GTSE1: variants seen among roughly 807,000 people sequenced by gnomAD.
GTSE1 encodes G2 and S-phase expressed 1, also known as G2 and S phase-expressed protein 1.
Under a neutral mutation model 60.5 loss-of-function variants are expected in GTSE1, and 52 were observed. The observed-to-expected ratio is 0.86, with a 90% CI of 0.69 to 1.08. The LOEUF (loss-of-function observed/expected upper bound fraction) is 1.08, where lower values mean the gene tolerates loss of function less well. GTSE1 is among the 50% of genes least tolerant of loss of function. The pLI, the probability that GTSE1 is intolerant of heterozygous loss-of-function variation, is 0.00. For synonymous variants in GTSE1, 368 were observed against 386.5 expected, an observed-to-expected ratio of 0.95 and a Z score of 0.56; for missense variants, 937 against 961.8, an observed-to-expected ratio of 0.97 and a Z score of 0.34.
In GTSE1 at chr22:46,308,844, T is replaced by G. The variant is rs774348655; in HGVS notation, c.663T>G (p.Ala221=). The change falls in exon 4 of 12, where the codon GCT becomes GCG. Residue 221 remains alanine (A), a synonymous_variant. Coordinates refer to ENST00000454366, the MANE Select transcript of GTSE1 (RefSeq NM_016426.7). ...CCAGGGAATCATGCACTGCTCATGC[T>G]GCAAGTCAGGCAGCGACTCAGAGGA... is the stretch of plus-strand genomic sequence containing the variant. ...ALPRESCTAH[A]ASQAATQRKP... The G allele has an allele frequency of 1.2e-6, 2 of 1,613,278 alleles. No individual in the cohort carries two copies. The highest frequency in any genetic ancestry group is 2.2e-5 in the South Asian group (2 of 91,090).
chr22:46,314,798 C>T lies in GTSE1; in HGVS notation c.1051+785C>T, dbSNP rs2077769138. On this transcript the variant is annotated intron_variant, in intron 6 of 11. Coordinates refer to ENST00000454366, the MANE Select transcript of GTSE1 (RefSeq NM_016426.7). This position sits in a 1 kb window ranked among gnomAD's most constrained non-coding sequence, Gnocchi z 7.1. ...GACTGGGCCACGAGAATGGCTTGAACGCGGGAGGCAGAGGTTACCATGAGC... is the reference window on the plus strand; with the variant it reads ...GACTGGGCCACGAGAATGGCTTGAATGCGGGAGGCAGAGGTTACCATGAGC... Among the ~76,000 whole-genome samples the T allele has an allele frequency of 6.7e-6, 1 of 149,242 alleles. No individual in the cohort carries two copies. The highest frequency in any genetic ancestry group is 6.7e-5 in the Admixed American group (1 of 14,980).
Position 46,313,986 on chromosome 22 carries a change from G to C in GTSE1, c.1024G>C (p.Ala342Pro), listed in dbSNP as rs778285118. 2 of 1,614,212 alleles carry C rather than the reference G, an allele frequency of 1.2e-6. No homozygotes were observed. Among genetic ancestry groups the C allele is most frequent in the African/African-American group, 2.7e-5 (2 of 75,066 alleles). The change falls in exon 6 of 12, where the codon GCG becomes CCG. Residue 342 changes from alanine to proline, a missense_variant. Transcript: ENST00000454366. This position sits in a 1 kb window ranked among gnomAD's most constrained non-coding sequence, Gnocchi z 4.4. Reference sequence around the variant, plus strand: ...GCCTGTTTGGAGCGGGGCATCCAGTGCGTGCACATCCCCAGCAGTGGGCAA... The same window carrying C: ...GCCTGTTTGGAGCGGGGCATCCAGTCCGTGCACATCCCCAGCAGTGGGCAA... ...SGPVWSGASS[A>P]CTSPAVGKAK...
rs2077703928 is a variant in GTSE1 at position 46,304,114 on chromosome 22, T to G, written c.80-4036T>G. On this transcript the variant is annotated intron_variant, in intron 2 of 11. Coordinates refer to ENST00000454366, the MANE Select transcript of GTSE1 (RefSeq NM_016426.7). The surrounding 1 kb of genome is among the most constrained non-coding windows in gnomAD (Gnocchi z 4.4). The stretch of plus-strand genomic sequence containing the variant: ...CCGCAAGCTCCTGGGCTCAGCATCC[T>G]GAGTAGCTGGGACTACAGGTATATG... Among the ~76,000 whole-genome samples the G allele has an allele frequency of 6.6e-6, 1 of 152,126 alleles. No individual in the cohort carries two copies. Among genetic ancestry groups the G allele is most frequent in the Non-Finnish European group, 1.5e-5 (1 of 68,012 alleles).
In GTSE1 at chr22:46,308,597, A is replaced by G; in HGVS notation, c.416A>G (p.Gln139Arg). 6.2e-7 allele frequency: 1 copy of G among 1,614,168 alleles called. No individual in the cohort carries two copies. The highest frequency in any genetic ancestry group is 8.5e-7 in the Non-Finnish European group (1 of 1,180,022). Residue 139 changes from glutamine to arginine, a missense_variant, in exon 4 of 12, where the codon CAG becomes CGG. By Grantham distance (43) the Gln-to-Arg change is conservative. Transcript: ENST00000454366. Reference sequence around the variant, plus strand: ...AGCCAGGGCGTGGAAAGATTCATACAGGAGTCAAAATTAAAAATAAACCTC... The same window carrying G: ...AGCCAGGGCGTGGAAAGATTCATACGGGAGTCAAAATTAAAAATAAACCTC... ...PRSQGVERFI[Q>R]ESKLKINLFE...
At position 46,308,760 on chromosome 22, in the gene GTSE1, T is replaced by C; in HGVS notation, c.579T>C (p.Ser193=). Residue 193 remains serine (S), a synonymous_variant, in exon 4 of 12, where the codon TCT becomes TCC. Coordinates refer to ENST00000454366, the MANE Select transcript of GTSE1 (RefSeq NM_016426.7). ...LLASSPALPS[S]GAQARLTRAP... is the part of the protein sequence containing the mutation. Reference sequence around the variant, plus strand: ...CCTCCTCCCCGGCCCTGCCCAGCTCTGGTGCCCAGGCCCGCCTCACCCGGG... The same window carrying C: ...CCTCCTCCCCGGCCCTGCCCAGCTCCGGTGCCCAGGCCCGCCTCACCCGGG... 1 of 1,613,156 alleles carries C rather than the reference T, an allele frequency of 6.2e-7. No individual in the cohort carries two copies. The highest frequency in any genetic ancestry group is 8.5e-7 in the Non-Finnish European group (1 of 1,180,016).
intron 2 of GTSE1, among the ~76,000 whole-genome samples, chr22:46,303,060 C>T (rs960314185): frequency 2.0e-5 from 3 of 151,912 alleles, no homozygotes; most frequent in Non-Finnish European, 2.9e-5. Context: ...CCACCACACC[C>T]GGCTAATTTT....
chr22:46,325,344 A>G (rs1391540119), intron 8 of GTSE1, among the ~76,000 whole-genome samples: 2 of 151,614 alleles, frequency 1.3e-5, no homozygotes, highest in South Asian at 2.1e-4. Context: ...CCACAGGCAC[A>G]TGCCACCACA....
At position 46,316,675 on chromosome 22, in the gene GTSE1, G is replaced by A. The variant is rs1318547603; in HGVS notation, c.1432+263G>A. On this transcript the variant is annotated intron_variant, in intron 7 of 11. Transcript: ENST00000454366. The surrounding 1 kb of genome is among the most constrained non-coding windows in gnomAD (Gnocchi z 5.0). ...AGGTTTTCTCTTTAGTGTTACTGTC[G>A]GGAATTTGATTATTATGTGCTTTGA... Among the ~76,000 whole-genome samples the A allele has an allele frequency of 1.3e-5, 2 of 152,026 alleles. No individual in the cohort carries two copies. Among genetic ancestry groups the A allele is most frequent in the South Asian group, 2.1e-4 (1 of 4,830 alleles).
chr22:46,322,991 C>A lies in GTSE1; in HGVS notation c.1433-199C>A, dbSNP rs533250334. The stretch of plus-strand genomic sequence containing the variant: ...CACAGCCTTTGCCTGGGCAGGGGTC[C>A]CCGTGTAGGGGTGAATGCCTCTCAT... On this transcript the variant is annotated intron_variant, in intron 7 of 11. Coordinates refer to ENST00000454366, the MANE Select transcript of GTSE1 (RefSeq NM_016426.7). Among the ~76,000 whole-genome samples, 743 of 152,346 alleles carry A rather than the reference C, an allele frequency of 4.9e-3. 6 individuals are homozygous for A. The highest frequency in any genetic ancestry group is 8.3e-3 in the Non-Finnish European group (568 of 68,024).
intron 8 of GTSE1, among the ~76,000 whole-genome samples, chr22:46,323,847 C>T (rs1174519651): frequency 6.6e-6 from 1 of 151,982 alleles, no homozygotes; most frequent in African/African-American, 2.4e-5. Context: ...GCCACCACAC[C>T]CGGCTAATTA....
Position 46,326,577 on chromosome 22 carries a change from G to T in GTSE1, c.1647G>T (p.Met549Ile). The part of the protein sequence containing the change: ...SGLPPMTPKT[M>I]PRAVGSPLCV... Reference sequence around the variant, plus strand: ...TTCCACCGATGACCCCCAAAACGATGCCCAGGGCCGTGGGCTCTCCCCTGT... The same window carrying T: ...TTCCACCGATGACCCCCAAAACGATTCCCAGGGCCGTGGGCTCTCCCCTGT... Residue 549 changes from methionine (M) to isoleucine (I), a missense_variant, in exon 9 of 12, where the codon ATG (methionine) becomes ATT (isoleucine). Transcript: ENST00000454366. The T allele has an allele frequency of 1.9e-6, 3 of 1,614,102 alleles. No individual in the cohort carries two copies. Among genetic ancestry groups the T allele is most frequent in the Non-Finnish European group, 2.5e-6 (3 of 1,179,994 alleles).
intron 5 of GTSE1, 52 bp downstream of exon 5, chr22:46,312,357 G>A (rs373414548): frequency 2.6e-6 from 4 of 1,548,658 alleles, no homozygotes; most frequent in Non-Finnish European, 2.6e-6. Context: ...TGAGGTGGCA[G>A]CTGTGTGTAC....
Position 46,308,144 on chromosome 22 carries a change from C to G in GTSE1, c.80-6C>G. On this transcript the variant is annotated splice_region_variant and splice_polypyrimidine_tract_variant and intron_variant, in intron 2 of 11. Transcript: ENST00000454366. The stretch of plus-strand genomic sequence containing the variant: ...ACTAAAATAACAGTGGATTTTTTCC[C>G]TCTAGACATTCTTCTTTTGGCCGAT... 1 of 1,601,128 alleles carries G rather than the reference C, an allele frequency of 6.2e-7. No individual in the cohort carries two copies. Among genetic ancestry groups the G allele is most frequent in the Non-Finnish European group, 8.6e-7 (1 of 1,168,392 alleles).
In GTSE1 at chr22:46,313,954, C is replaced by A. The variant is rs762430178; in HGVS notation, c.992C>A (p.Ser331Tyr). 2 of 1,614,234 alleles carry A rather than the reference C, an allele frequency of 1.2e-6. No homozygotes were observed. The highest frequency in any genetic ancestry group is 1.1e-5 in the South Asian group (1 of 91,090). ...GSTSNLARKS[S>Y]SGPVWSGASS... is the part of the protein sequence containing the mutation. ...ACCAGCAATCTCGCAAGGAAGTCCTCCTCGGGGCCTGTTTGGAGCGGGGCA... is the reference window on the plus strand; with the variant it reads ...ACCAGCAATCTCGCAAGGAAGTCCTACTCGGGGCCTGTTTGGAGCGGGGCA... Residue 331 changes from serine to tyrosine, a missense_variant, in exon 6 of 12, where the codon TCC (serine) becomes TAC (tyrosine). Coordinates refer to ENST00000454366, the MANE Select transcript of GTSE1 (RefSeq NM_016426.7). This position sits in a 1 kb window ranked among gnomAD's most constrained non-coding sequence, Gnocchi z 4.4.
At chr22:46,323,458 C>T (rs576550898) in intron 8 of GTSE1, among the ~76,000 whole-genome samples, 196 bp downstream of exon 8, 2 of 152,312 alleles carry the variant, frequency 1.3e-5, no homozygotes, top group East Asian at 1.9e-4. Context: ...CTGAGACTTC[C>T]GCGATGCAGT....
intron 2 of GTSE1, among the ~76,000 whole-genome samples, chr22:46,306,989 A>G (rs1461620702): frequency 6.6e-6 from 1 of 152,214 alleles, no homozygotes; most frequent in African/African-American, 2.4e-5. Flanking sequence ...AGAAGGGTCA[A>G]GAGGCACTCA....
At position 46,308,795 on chromosome 22, in the gene GTSE1, C is replaced by T. The variant is rs199893603; in HGVS notation, c.614C>T (p.Pro205Leu). The change falls in exon 4 of 12, where the codon CCT becomes CTT. Residue 205 changes from proline to leucine, a missense_variant. By Grantham distance (98) the Pro-to-Leu change is moderately conservative (BLOSUM62 -3). Coordinates refer to ENST00000454366, the MANE Select transcript of GTSE1 (RefSeq NM_016426.7). ...AQARLTRAPG[P>L]PHSAHALPRE... ...GCCCGCCTCACCCGGGCGCCGGGGC[C>T]TCCGCACTCTGCTCATGCTTTGCCC... 71 of 1,613,120 alleles carry T rather than the reference C, an allele frequency of 4.4e-5. No individual in the cohort carries two copies. The highest frequency in any genetic ancestry group is 5.8e-5 in the Non-Finnish European group (68 of 1,180,024).
In GTSE1 at chr22:46,330,074, C is replaced by T. The variant is rs776761037; in HGVS notation, c.2164C>T (p.Gln722Ter). ...CATAGACCTGAGCTCCCCTCTGATC[C>T]AGCTGAGCCCTGAGGCTGACAAGGA... ...QLIDLSSPLIQLSPEADKENV... is the reference protein window; with the variant it reads ...QLIDLSSPLI The change falls in exon 12 of 12, where the codon CAG becomes TAG. Residue 722 changes from glutamine to a stop codon, truncating the protein, a stop_gained. Transcript: ENST00000454366. LOFTEE classifies it high-confidence loss of function. This position sits in a 1 kb window ranked among gnomAD's most constrained non-coding sequence, Gnocchi z 6.0. 1.9e-6 allele frequency: 3 copies of T among 1,611,080 alleles called. No homozygotes were observed. In the East Asian group the frequency reaches 6.7e-5, roughly 36 times the overall value.
chr22:46,301,919 G>C (rs542119310), intron 2 of GTSE1, among the ~76,000 whole-genome samples: 13 of 152,036 alleles, frequency 8.6e-5, no homozygotes, highest in African/African-American at 3.1e-4. Context: ...ACCTGAGATC[G>C]GGAGTTCCAG....
Sources: gnomAD v4.1 joint callset for allele counts (sites outside exome capture counted in the v4.1 genomes callset) on GRCh38, gnomAD v4.1.1 for gene constraint, Gnocchi (gnomAD v3.1) non-coding constraint, MANE v1.5 for transcripts, NCBI Gene and HGNC (gene_info 2026-07-23, HGNC 2026-07-21) for gene names.